Variants in ING5 observed in about 807,000 individuals in gnomAD.
ING5 encodes inhibitor of growth protein 5.
In ING5, 17 loss-of-function variants were observed where a neutral mutation model predicts 37.4. The observed-to-expected ratio is 0.45, with a 90% CI of 0.31 to 0.68. The LOEUF is 0.68. Among genes scored for constraint, ING5 ranks in the 30% least tolerant of loss-of-function variants. The pLI, the probability that ING5 is intolerant of heterozygous loss-of-function variation, is 0.05. For missense variants in ING5, 233 were observed against 311.9 expected (o/e 0.75, Z 1.91); for synonymous variants, 123 against 116.6 (o/e 1.06, Z -0.36).
chr2:241,708,469 A>G (rs920302143), intron 2 of ING5, among the ~76,000 whole-genome samples: 1 of 152,148 alleles, frequency 6.6e-6, no homozygotes, highest in Non-Finnish European at 1.5e-5. Flanking sequence ...GGCCTCCAAA[A>G]GTGCTGGGAT....
exon 2 of ING5, chr2:241,690,287 A>G (rs2069530671): frequency 3.9e-6 from 1 of 258,042 alleles, no homozygotes; most frequent in South Asian, 1.7e-4. Context: ...TACCTCTCTT[A>G]GGATACCTTT....
upstream of ING5, among the ~76,000 whole-genome samples, chr2:241,698,422 A>C (rs2069662336): frequency 6.6e-6 from 1 of 152,090 alleles, no homozygotes; most frequent in Non-Finnish European, 1.5e-5. Flanking sequence ...GTCTCAAAAA[A>C]AAAAAAAGTA....
chr2:241,697,425 ACT>A (rs1439607710), upstream of ING5, among the ~76,000 whole-genome samples: 4 of 141,200 alleles, frequency 2.8e-5, no homozygotes, highest in African/African-American at 7.9e-5. Flanking sequence ...ACAGAGCGAG[ACT>A]CTGTCTCAAA....
chr2:241,688,814 T>C (rs1340504987), intron 1 of ING5, among the ~76,000 whole-genome samples: 2 of 148,010 alleles, frequency 1.4e-5, no homozygotes, highest in African/African-American at 5.0e-5. Flanking sequence ...ATTTTATTTT[T>C]TTGAGATGGA....
chr2:241,714,751 G>A (rs541954526), intron 5 of ING5, among the ~76,000 whole-genome samples: 1 of 151,974 alleles, frequency 6.6e-6, no homozygotes, highest in South Asian at 2.1e-4. Flanking sequence ...CCACAGACAT[G>A]CGCCACTATG....
intron 7 of ING5, chr2:241,724,114 T>TGTGG: frequency 8.0e-7 from 1 of 1,246,076 alleles, no homozygotes; most frequent in Non-Finnish European, 1.0e-6. Context: ...TGCTCTTCTG[T>TGTGG]GTGGCACTCA....
chr2:241,688,019 T>A (rs1352333504), exon 1 of ING5: 1 of 152,202 alleles, frequency 6.6e-6, no homozygotes, highest in Non-Finnish European at 1.5e-5. Flanking sequence ...TCAGTAGTGT[T>A]TGCTGTTATC....
chr2:241,688,062 G>A (rs973542791), exon 1 of ING5: 3 of 152,168 alleles, frequency 2.0e-5, no homozygotes, highest in African/African-American at 7.2e-5. Context: ...ACATTTCTCA[G>A]GTGAGACTTT....
intron 5 of ING5, among the ~76,000 whole-genome samples, chr2:241,714,930 C>T (rs2070221928): frequency 1.3e-5 from 2 of 152,086 alleles, no homozygotes; most frequent in Non-Finnish European, 2.9e-5. Context: ...CTTTTAGTTT[C>T]ATTATTTTTA....
At chr2:241,723,574 C>G (rs1486347347) in intron 7 of ING5, among the ~76,000 whole-genome samples, 1 of 152,242 alleles carries the variant, frequency 6.6e-6, no homozygotes, top group Non-Finnish European at 1.5e-5. Context: ...GGACAACCTT[C>G]CGGACTCTGG....
exon 2 of ING5, chr2:241,690,589 C>T: frequency 2.5e-6 from 1 of 398,662 alleles, no homozygotes. Flanking sequence ...GCCTGATTTC[C>T]AGCACTGTCT....
intron 5 of ING5, among the ~76,000 whole-genome samples, chr2:241,718,086 C>T (rs1038519452): frequency 1.3e-5 from 2 of 152,172 alleles, no homozygotes; most frequent in Non-Finnish European, 2.9e-5. Flanking sequence ...AATCTCCGCT[C>T]ACCGCAGCCT....
rs760410698 is a variant in ING5, at chr2:241,725,053, C to A, written c.*22C>A. On this transcript the variant is annotated 3_prime_UTR_variant, in exon 8 of 8. Coordinates refer to ENST00000313552, the MANE Select transcript of ING5 (RefSeq NM_032329.6). ...GTAGGAGGAGCTGTGTGCCCGGATC[C>A]GAGGAGCAAGTTAATCTGTCCCTTC... is the stretch of plus-strand genomic sequence containing the variant. 6.2e-7 allele frequency: 1 copy of A among 1,612,664 alleles called. No individual in the cohort carries two copies. Among genetic ancestry groups the A allele is most frequent in the Admixed American group, 1.7e-5 (1 of 60,002 alleles).
At chr2:241,712,139 C>A (rs1486976500) in intron 5 of ING5, 68 bp downstream of exon 5, 7 of 1,267,442 alleles carry the variant, frequency 5.5e-6, no homozygotes, top group Non-Finnish European at 7.7e-6. Flanking sequence ...GATGTAGGAA[C>A]ACTGATGGAA....
At chr2:241,702,640 G>A (rs1025534308) in intron 1 of ING5, among the ~76,000 whole-genome samples, 3 of 152,222 alleles carry the variant, frequency 2.0e-5, no homozygotes, top group Non-Finnish European at 2.9e-5. Flanking sequence ...CCGGCACTGG[G>A]GACTGCGGCG....
intron 5 of ING5, among the ~76,000 whole-genome samples, chr2:241,719,149 G>A (rs1159318012): frequency 6.6e-6 from 1 of 152,226 alleles, no homozygotes; most frequent in African/African-American, 2.4e-5. Context: ...TGGTAGAAGT[G>A]CGGGGGAGGA....
intron 5 of ING5, 103 bp downstream of exon 5, chr2:241,712,174 G>A (rs542825006): frequency 4.0e-4 from 368 of 914,568 alleles, no homozygotes; most frequent in Admixed American, 2.8e-3. Flanking sequence ...AGTGCACCCC[G>A]TGTGCCGGGT....
chr2:241,690,343 A>G, exon 2 of ING5: 2 of 348,046 alleles, frequency 5.7e-6, no homozygotes, highest in Non-Finnish European at 1.0e-5. Context: ...GGCTCACAGC[A>G]TTAAGATATT....
chr2:241,710,858 C>T lies in ING5; in HGVS notation c.277-519C>T, dbSNP rs183923688. ...GAATTCCTGACCTCAAATGATCCACCTGCCTCGGTCTCCCAGAGTGCTGGG... is the reference window on the plus strand; with the variant it reads ...GAATTCCTGACCTCAAATGATCCACTTGCCTCGGTCTCCCAGAGTGCTGGG... On this transcript the variant is annotated intron_variant, in intron 3 of 7. Coordinates refer to ENST00000313552, the MANE Select transcript of ING5 (RefSeq NM_032329.6). Among the ~76,000 whole-genome samples the T allele has an allele frequency of 4.3e-3, 650 of 152,248 alleles. 6 individuals carry two copies. The highest frequency in any genetic ancestry group is 0.015 in the African/African-American group (613 of 41,544).
Sources: allele counts gnomAD v4.1 joint callset (sites outside exome capture counted in the v4.1 genomes callset), GRCh38; gene constraint gnomAD v4.1.1; transcripts MANE v1.5; gene names NCBI Gene and HGNC (gene_info 2026-07-23, HGNC 2026-07-21).